The following NELL1 variants were observed in gnomAD, a reference collection of about 807,000 sequenced individuals.
NELL1 encodes neural EGFL like 1.
In NELL1, 76 loss-of-function variants were observed where a neutral mutation model predicts 107.4. That is an observed-to-expected ratio of 0.71 (90% confidence interval 0.59 to 0.86). NELL1 has a LOEUF of 0.86. NELL1 is among the 40% of genes least tolerant of loss of function. NELL1 has a pLI of 0.00. For synonymous variants in NELL1, 353 were observed against 341.2 expected (o/e 1.03, Z -0.38); for missense variants, 1,024 against 1,005.5 (o/e 1.02, Z -0.25).
intron 12 of NELL1, among the ~76,000 whole-genome samples, chr11:21,038,254 T>C (rs987636772): frequency 1.6e-4 from 24 of 152,110 alleles, no homozygotes; most frequent in African/African-American, 5.6e-4. Context: ...TGGAAGATAA[T>C]AATGAGATTC....
At chr11:20,716,466 A>G (rs971889700) in intron 2 of NELL1, among the ~76,000 whole-genome samples, 1 of 152,266 alleles carries the variant, frequency 6.6e-6, no homozygotes, top group African/African-American at 2.4e-5. Flanking sequence ...TTGCAAAATA[A>G]ATGGAAGTTC....
chr11:21,347,347 C>T (rs1850706116), intron 14 of NELL1, among the ~76,000 whole-genome samples: 1 of 152,070 alleles, frequency 6.6e-6, no homozygotes, highest in Non-Finnish European at 1.5e-5. Context: ...TCATGCCTGT[C>T]ATCCCAGCAC....
At chr11:20,837,325 CA>C (rs1848549395) in intron 3 of NELL1, among the ~76,000 whole-genome samples, 1 of 152,052 alleles carries the variant, frequency 6.6e-6, no homozygotes, top group African/African-American at 2.4e-5. Flanking sequence ...GAGTTTAAGA[CA>C]TCAGTATGAA....
At chr11:21,015,001 A>G (rs1640535374) in intron 12 of NELL1, among the ~76,000 whole-genome samples, 1 of 152,058 alleles carries the variant, frequency 6.6e-6, no homozygotes, top group South Asian at 2.1e-4. Context: ...TTATCACTGA[A>G]CACACTTGTT....
At chr11:20,695,201 T>G (rs1854582917) in intron 2 of NELL1, among the ~76,000 whole-genome samples, 1 of 152,122 alleles carries the variant, frequency 6.6e-6, no homozygotes. Flanking sequence ...TGGCATAGTC[T>G]TCAGGGTTTT....
chr11:21,109,666 T>G (rs1054774459), intron 12 of NELL1, among the ~76,000 whole-genome samples: 1 of 152,126 alleles, frequency 6.6e-6, no homozygotes, highest in Admixed American at 6.6e-5. Flanking sequence ...GGAGTTATGA[T>G]TTTTGTTTTG....
chr11:21,400,635 C>A (rs1226326463), intron 15 of NELL1, among the ~76,000 whole-genome samples: 1 of 151,916 alleles, frequency 6.6e-6, no homozygotes, highest in Non-Finnish European at 1.5e-5. Context: ...CCTAGAGAAA[C>A]TTTCATTTCT....
chr11:21,457,000 A>T (rs1419624662), intron 15 of NELL1, among the ~76,000 whole-genome samples: 2 of 146,882 alleles, frequency 1.4e-5, no homozygotes, highest in African/African-American at 5.1e-5. Context: ...ACACACACAC[A>T]CACCACCCTG....
intron 5 of NELL1, among the ~76,000 whole-genome samples, chr11:20,889,805 G>A (rs1849581583): frequency 6.6e-6 from 1 of 152,176 alleles, no homozygotes. Flanking sequence ...GCCAAGGGAG[G>A]CAGATTTCCA....
intron 15 of NELL1, among the ~76,000 whole-genome samples, chr11:21,507,061 G>A (rs1200941028): frequency 3.3e-5 from 5 of 152,112 alleles, no homozygotes; most frequent in Admixed American, 2.6e-4. Flanking sequence ...CACAAACAAT[G>A]AGGCTCAGAG....
At chr11:21,251,465 C>A (rs1858636348) in intron 14 of NELL1, among the ~76,000 whole-genome samples, 1 of 152,064 alleles carries the variant, frequency 6.6e-6, no homozygotes, top group Non-Finnish European at 1.5e-5. Context: ...GCCTAACCCT[C>A]CTTAGTCAAA....
At chr11:20,700,651 G>C (rs34391252) in intron 2 of NELL1, among the ~76,000 whole-genome samples, 19,066 of 151,670 alleles carry the variant, frequency 0.13, 1,264 homozygotes, top group African/African-American at 0.15. Context: ...AATGCTATCT[G>C]TCCCCCCTTC....
At chr11:21,302,798 G>A (rs1038838796) in intron 14 of NELL1, among the ~76,000 whole-genome samples, 1 of 151,800 alleles carries the variant, frequency 6.6e-6, no homozygotes, top group African/African-American at 2.4e-5. Flanking sequence ...ATTCATGCCT[G>A]GAATTTCAGC....
chr11:21,262,315 T>C (rs1848550090), intron 14 of NELL1, among the ~76,000 whole-genome samples: 1 of 151,734 alleles, frequency 6.6e-6, no homozygotes, highest in Non-Finnish European at 1.5e-5. Flanking sequence ...TGCCTCTCTG[T>C]CGGGTGAGAG....
chr11:21,258,402 G>T (rs1212449237), intron 14 of NELL1, among the ~76,000 whole-genome samples: 1 of 151,928 alleles, frequency 6.6e-6, no homozygotes, highest in East Asian at 1.9e-4. Context: ...AGAAGTAATA[G>T]AATGTATATA....
chr11:21,072,859 C>T (rs117185388), intron 12 of NELL1, among the ~76,000 whole-genome samples: 1 of 152,132 alleles, frequency 6.6e-6, no homozygotes. Flanking sequence ...GTGCCATTAG[C>T]CATATGTGTA....
intron 12 of NELL1, among the ~76,000 whole-genome samples, chr11:21,102,315 C>CTA (rs1319310992): frequency 6.6e-6 from 1 of 152,184 alleles, no homozygotes; most frequent in African/African-American, 2.4e-5. Flanking sequence ...TTTATAATAT[C>CTA]TAATATCACC....
chr11:20,918,368 G>A, intron 6 of NELL1, 114 bp downstream of exon 6: 1 of 656,554 alleles, frequency 1.5e-6, no homozygotes, highest in South Asian at 1.8e-5. Flanking sequence ...CTGAGGTGCT[G>A]GAGATAGTGA....
chr11:20,979,420 C>A (rs1042265729), intron 12 of NELL1, among the ~76,000 whole-genome samples: 3 of 152,072 alleles, frequency 2.0e-5, no homozygotes, highest in Non-Finnish European at 4.4e-5. Context: ...AATCATGCTA[C>A]TGGGCCTACC....
Sources: allele counts gnomAD v4.1 joint callset (sites outside exome capture counted in the v4.1 genomes callset), GRCh38; gene constraint gnomAD v4.1.1; transcripts MANE v1.5; gene names NCBI Gene and HGNC (gene_info 2026-07-23, HGNC 2026-07-21).